The following RNFT2 variants were observed in gnomAD, a reference collection of about 807,000 sequenced individuals.
RNFT2 encodes ring finger protein, transmembrane 2.
In RNFT2, 36 loss-of-function variants were observed where a neutral mutation model predicts 53.0. The ratio of observed to expected loss-of-function variants is 0.68; its 90% CI spans 0.52 to 0.90. RNFT2 has a LOEUF of 0.90. Ranked by LOEUF, RNFT2 falls within the 40% of genes least tolerant of loss-of-function variation. RNFT2 has a pLI of 0.00. For missense variants in RNFT2, 514 were observed against 585.6 expected (o/e 0.88, Z 1.26); for synonymous variants, 260 against 253.2 (o/e 1.03, Z -0.26).
chr12:116,832,144 A>ATATATATATATATATATATATATATATAT (rs1414365866), intron 7 of RNFT2, among the ~76,000 whole-genome samples: 1 of 52,264 alleles, frequency 1.9e-5, no homozygotes, highest in African/African-American at 5.9e-5. Context: ...AAAAAAAAAA[A>ATATATATATATATATATATATATATATAT]AAAAATATAT....
chr12:116,802,711 C>T (rs1874857071), intron 7 of RNFT2, among the ~76,000 whole-genome samples: 1 of 152,174 alleles, frequency 6.6e-6, no homozygotes, highest in African/African-American at 2.4e-5. Flanking sequence ...TAATTTTGGA[C>T]TTCTGGCCTC....
chr12:116,814,775 T>G (rs997966844), intron 7 of RNFT2, among the ~76,000 whole-genome samples: 11 of 151,820 alleles, frequency 7.2e-5, no homozygotes, highest in African/African-American at 2.7e-4. Flanking sequence ...GCCTCCTGGG[T>G]TCAAGTGATT....
At chr12:116,748,556 G>C (rs1245593138) in intron 3 of RNFT2, 1 of 232,550 alleles carries the variant, frequency 4.3e-6, no homozygotes, top group Non-Finnish European at 9.1e-6. Context: ...TGAGAAAGCT[G>C]AGTGCAGAGG....
intron 7 of RNFT2, among the ~76,000 whole-genome samples, chr12:116,815,411 G>A (rs1875601048): frequency 6.6e-6 from 1 of 152,198 alleles, no homozygotes; most frequent in Admixed American, 6.5e-5. Context: ...TAAAGCCAAG[G>A]TGTCTGCACT....
At chr12:116,773,579 C>T (rs893813573) in intron 6 of RNFT2, among the ~76,000 whole-genome samples, 19 of 152,242 alleles carry the variant, frequency 1.2e-4, no homozygotes, top group Admixed American at 1.2e-3. Flanking sequence ...GGGGCTGGGT[C>T]GCAGAGTCCA....
rs1303035396 is a variant in RNFT2 at position 116,785,286 on chromosome 12, G to GTTGT, written c.882+5949_882+5952dup. Among the ~76,000 whole-genome samples the GTTGT allele has an allele frequency of 1.6e-4, 16 of 102,926 alleles. No individual in the cohort carries two copies. The South Asian group carries it at 4.4e-3, about 28-fold the overall frequency. 67.5% of individuals were successfully genotyped at this position (102,926 alleles called of 152,430 possible). A position where few individuals can be genotyped will look rare whatever the true frequency, so the allele number is the denominator to read the frequency against. Reference sequence around the variant, plus strand: ...GTGTGTGTGTGTGTGGCGGGGGGGGGTTGTTTGTTTGTTTTGTTTTGTTTG... The same window carrying GTTGT: ...GTGTGTGTGTGTGTGGCGGGGGGGGGTTGTTTGTTTGTTTGTTTTGTTTTGTTTG... On this transcript the variant is annotated intron_variant, in intron 7 of 10. Coordinates refer to ENST00000257575, the MANE Select transcript of RNFT2 (RefSeq NM_001382266.1).
chr12:116,741,463 A>G (rs568362548), intron 3 of RNFT2, among the ~76,000 whole-genome samples: 1 of 152,226 alleles, frequency 6.6e-6, no homozygotes. Context: ...AAGCTCCAGC[A>G]TATTCAGTGT....
intron 10 of RNFT2, among the ~76,000 whole-genome samples, chr12:116,839,425 G>GTGGATGGATGGA (rs148543249): frequency 8.9e-5 from 10 of 112,434 alleles, no homozygotes; most frequent in African/African-American, 3.1e-4. Flanking sequence ...GGGTGGGTGG[G>GTGGATGGATGGA]TGGATGGATG....
At chr12:116,752,196 AAG>A (rs113623886) in intron 4 of RNFT2, among the ~76,000 whole-genome samples, 138,368 of 150,852 alleles carry the variant, frequency 0.92, 63,650 homozygotes, top group Non-Finnish European at 0.95. Context: ...CTGAAAAAAA[AAG>A]AGAGAGAGAG....
chr12:116,759,359 G>A (rs923461129), intron 5 of RNFT2, among the ~76,000 whole-genome samples: 1 of 152,076 alleles, frequency 6.6e-6, no homozygotes, highest in Non-Finnish European at 1.5e-5. Flanking sequence ...TCTTTTTCAG[G>A]TAAATCAGGG....
intron 7 of RNFT2, among the ~76,000 whole-genome samples, chr12:116,815,731 T>C (rs1271077557): frequency 6.6e-6 from 1 of 152,162 alleles, no homozygotes; most frequent in African/African-American, 2.4e-5. Flanking sequence ...AATTCATAGG[T>C]TCTGGGGATT....
chr12:116,752,440 T>C (rs1049447709), intron 4 of RNFT2, among the ~76,000 whole-genome samples: 1 of 152,166 alleles, frequency 6.6e-6, no homozygotes, highest in Non-Finnish European at 1.5e-5. Flanking sequence ...TGGCAGGTTT[T>C]TTTTGTTTTG....
chr12:116,757,152 C>T (rs1372264484), intron 5 of RNFT2, among the ~76,000 whole-genome samples: 1 of 152,052 alleles, frequency 6.6e-6, no homozygotes. Flanking sequence ...TTTTATATTT[C>T]AGTGGTGTCA....
chr12:116,842,420 T>C (rs2137218847), intron 10 of RNFT2, among the ~76,000 whole-genome samples: 1 of 152,254 alleles, frequency 6.6e-6, no homozygotes, highest in East Asian at 1.9e-4. Context: ...CCCTGCCACT[T>C]AGCAGCTGTG....
intron 4 of RNFT2, among the ~76,000 whole-genome samples, chr12:116,750,859 T>TATTA (rs372543590): frequency 9.7e-4 from 3 of 3,102 alleles, no homozygotes; most frequent in African/African-American, 2.4e-3. Flanking sequence ...ATAATATATA[T>TATTA]TATATATATA....
chr12:116,760,799 G>A (rs1225977950), intron 5 of RNFT2, among the ~76,000 whole-genome samples: 2 of 152,056 alleles, frequency 1.3e-5, no homozygotes, highest in African/African-American at 2.4e-5. Context: ...TTCACAATGC[G>A]AGCTGCCGCC....
intron 7 of RNFT2, among the ~76,000 whole-genome samples, chr12:116,789,046 A>AGATG (rs1263177506): frequency 5.5e-5 from 6 of 109,496 alleles, no homozygotes; most frequent in East Asian, 6.5e-4. Flanking sequence ...GGAGGAGAGT[A>AGATG]GATGGATGGA....
intron 4 of RNFT2, among the ~76,000 whole-genome samples, chr12:116,751,648 G>A (rs11068171): frequency 0.065 from 9,882 of 151,564 alleles, 402 homozygotes; most frequent in South Asian, 0.15. Flanking sequence ...TGTTCCATCC[G>A]CCTCAGCCTC....
In RNFT2 at chr12:116,752,188, GAA is replaced by G. The variant is rs1175127109; in HGVS notation, c.551-1788_551-1787del. Among the ~76,000 whole-genome samples the G allele has an allele frequency of 2.4e-4, 6 of 24,998 alleles. No homozygotes were observed. In the Admixed American group the frequency reaches 2.6e-3, roughly 11 times the overall value. The allele number at this position is 24,998 out of a possible 152,430, so 16.4% of individuals were successfully genotyped here. ...AACATAGTGAGACCCTATCTCTACTGAAAAAAAAAGAGAGAGAGAGAAAGCTT... is the reference window on the plus strand; with the variant it reads ...AACATAGTGAGACCCTATCTCTACTGAAAAAAAGAGAGAGAGAGAAAGCTT... On this transcript the variant is annotated intron_variant, in intron 4 of 10. Coordinates refer to ENST00000257575, the MANE Select transcript of RNFT2 (RefSeq NM_001382266.1).
Sources: gnomAD v4.1 joint callset for allele counts (sites outside exome capture counted in the v4.1 genomes callset) on GRCh38, gnomAD v4.1.1 for gene constraint, MANE v1.5 for transcripts, NCBI Gene and HGNC (gene_info 2026-07-23, HGNC 2026-07-21) for gene names.